The following NECAP2 variants were observed in gnomAD, a reference collection of about 807,000 sequenced individuals.
NECAP2 encodes the protein adaptin ear-binding coat-associated protein 2.
In NECAP2, 38 loss-of-function variants were observed where a neutral mutation model predicts 37.8. The observed-to-expected ratio is 1.01, with a 90% CI of 0.78 to 1.32. NECAP2 has a LOEUF of 1.32. Ranked by LOEUF, NECAP2 falls within the 40% of genes most tolerant of loss-of-function variation. The probability of loss-of-function intolerance (pLI) is 0.00; values close to 1 mark genes in which losing one functional copy is unlikely to be tolerated. For missense variants in NECAP2, 316 were observed against 334.5 expected (o/e 0.94, Z 0.43); for synonymous variants, 121 against 127.7 (o/e 0.95, Z 0.35).
At chr1:16,445,929 C>G (rs909880448) in intron 2 of NECAP2, among the ~76,000 whole-genome samples, 1 of 151,942 alleles carries the variant, frequency 6.6e-6, no homozygotes, top group African/African-American at 2.4e-5. Context: ...AAAAAAAGGC[C>G]GGGCACGGTG....
At chr1:16,458,309 T>G (rs903334898) in intron 7 of NECAP2, among the ~76,000 whole-genome samples, 1 of 152,006 alleles carries the variant, frequency 6.6e-6, no homozygotes, top group African/African-American at 2.4e-5. Context: ...GGAAAGGGGT[T>G]AAGACTCTTC....
intron 1 of NECAP2, among the ~76,000 whole-genome samples, chr1:16,443,058 C>T (rs1311500735): frequency 6.6e-6 from 1 of 152,168 alleles, no homozygotes; most frequent in African/African-American, 2.4e-5. Flanking sequence ...CTGTCTTTTT[C>T]TTTCAAGATA....
chr1:16,448,427 T>C (rs2086794409), intron 4 of NECAP2: 2 of 463,700 alleles, frequency 4.3e-6, no homozygotes, highest in African/African-American at 3.9e-5. Flanking sequence ...TCCTGTGGCC[T>C]TTCTGGGCCT....
At position 16,451,936 on chromosome 1, in the gene NECAP2, C is replaced by A. The variant is rs368703916; in HGVS notation, c.588C>A (p.Thr196=). 6.2e-7 allele frequency: 1 copy of A among 1,613,836 alleles called. No homozygotes were observed. Among genetic ancestry groups the A allele is most frequent in the Non-Finnish European group, 8.5e-7 (1 of 1,179,810 alleles). The change falls in exon 6 of 8, where the codon ACC becomes ACA. Residue 196 remains threonine (T), a synonymous_variant. Coordinates refer to ENST00000337132, the MANE Select transcript of NECAP2 (RefSeq NM_018090.5). ...TTCCCCCTCCCCCAGGGGGGAAAAC[C>A]TCCACCCTGATCCCTCCCCCTGGGG... ...SLLPPPPGGK[T]STLIPPPGEQ...
intron 6 of NECAP2, among the ~76,000 whole-genome samples, chr1:16,452,861 T>C (rs929898633): frequency 2.7e-5 from 4 of 149,718 alleles, no homozygotes; most frequent in Admixed American, 6.6e-5. Flanking sequence ...TGCACACAGC[T>C]CTCCCCAGCT....
intron 5 of NECAP2, 70 bp downstream of exon 5, chr1:16,449,271 C>A: frequency 9.7e-7 from 1 of 1,033,624 alleles, no homozygotes; most frequent in South Asian, 1.4e-5. Context: ...GCCCATTGCT[C>A]TTCTTACAGT....
Position 16,459,709 on chromosome 1 carries a change from T to G in NECAP2, c.*819T>G, listed in dbSNP as rs2086986959. 6.6e-6 allele frequency: 1 copy of G among 152,458 alleles called. No individual in the cohort carries two copies. Among genetic ancestry groups the G allele is most frequent in the African/African-American group, 2.4e-5 (1 of 41,478 alleles). 9.4% of individuals were successfully genotyped at this position (152,458 alleles called of 1,614,324 possible). On this transcript the variant is annotated 3_prime_UTR_variant, in exon 8 of 8. Transcript: ENST00000337132. Reference sequence around the variant, plus strand: ...TGGGGCAGGAAGGTGGATGCTGTTGTCATGGAGCTGTGGGAGTTGGCACTC... The same window carrying G: ...TGGGGCAGGAAGGTGGATGCTGTTGGCATGGAGCTGTGGGAGTTGGCACTC...
intron 1 of NECAP2, chr1:16,441,361 A>C (rs1206630789): frequency 6.4e-6 from 1 of 155,960 alleles, no homozygotes. Flanking sequence ...TTCACCCTTG[A>C]TCACAGCCTG....
At chr1:16,447,168 T>A (rs1049449173) in intron 2 of NECAP2, among the ~76,000 whole-genome samples, 1 of 151,756 alleles carries the variant, frequency 6.6e-6, no homozygotes, top group Non-Finnish European at 1.5e-5. Context: ...ACCCTGTTTC[T>A]AAAAAACAAA....
rs548544570 is a variant in NECAP2 at position 16,451,897 on chromosome 1, A to C, written c.549A>C (p.Gly183=). The C allele has an allele frequency of 6.8e-6, 11 of 1,614,072 alleles. No individual in the cohort carries two copies. The East Asian group carries it at 2.5e-4, about 36-fold the overall frequency. Residue 183 remains glycine, a synonymous_variant, in exon 6 of 8, where the codon GGA becomes GGC. Coordinates refer to ENST00000337132, the MANE Select transcript of NECAP2 (RefSeq NM_018090.5). ...CCCGAGTCCGGCCTGCCAGCACAGGAGGGCTGAGCCTGCTTCCCCCTCCCC... is the reference window on the plus strand; with the variant it reads ...CCCGAGTCCGGCCTGCCAGCACAGGCGGGCTGAGCCTGCTTCCCCCTCCCC... ...GNPRVRPAST[G]GLSLLPPPPG...
chr1:16,458,285 A>AT (rs1184538491), intron 7 of NECAP2, among the ~76,000 whole-genome samples: 2 of 151,856 alleles, frequency 1.3e-5, no homozygotes, highest in Non-Finnish European at 2.9e-5. Flanking sequence ...AGTGAGCTAT[A>AT]TTTTTTCTAC....
rs547124743 is a variant in NECAP2, at chr1:16,449,488, C to T, written c.489+287C>T. The stretch of plus-strand genomic sequence containing the variant: ...GGCTCCTAGAGGAAGGGTGTGCAGC[C>T]CATAGTTGTGGGAACCAAGGAAGGC... On this transcript the variant is annotated intron_variant, in intron 5 of 7. Transcript: ENST00000337132. 8 of 343,572 alleles carry T rather than the reference C, an allele frequency of 2.3e-5. No individual in the cohort carries two copies. The South Asian group carries it at 3.9e-4, about 17-fold the overall frequency. The allele number at this position is 343,572 out of a possible 1,614,324, so 21.3% of individuals were successfully genotyped here. A position where few individuals can be genotyped will look rare whatever the true frequency, so the allele number is the denominator to read the frequency against.
At chr1:16,450,141 T>TA (rs755096968) in intron 5 of NECAP2, 50 of 453,296 alleles carry the variant, frequency 1.1e-4, no homozygotes, top group Admixed American at 2.4e-4. Flanking sequence ...AGCTGGCCCT[T>TA]AAGAGAGAAA....
intron 4 of NECAP2, chr1:16,448,438 G>A (rs989303893): frequency 4.5e-6 from 2 of 442,116 alleles, no homozygotes; most frequent in Non-Finnish European, 8.3e-6. Context: ...TTCTGGGCCT[G>A]CTCCTCCATG....
intron 5 of NECAP2, chr1:16,450,081 CCTCTT>C: frequency 2.4e-6 from 1 of 409,536 alleles, no homozygotes; most frequent in Non-Finnish European, 4.9e-6. Context: ...TACTCTTTCT[CCTCTT>C]TTCTGCTTCG....
chr1:16,442,668 C>T (rs762235440), intron 1 of NECAP2, among the ~76,000 whole-genome samples: 5 of 152,202 alleles, frequency 3.3e-5, no homozygotes, highest in Admixed American at 6.5e-5. Context: ...TGGCTCACGC[C>T]TGTAATCCCA....
At chr1:16,443,948 T>C (rs2086725475) in intron 2 of NECAP2, among the ~76,000 whole-genome samples, 2 of 152,184 alleles carry the variant, frequency 1.3e-5, no homozygotes, top group South Asian at 4.1e-4. Flanking sequence ...CAAACACTAG[T>C]TCCTTTTAGG....
chr1:16,455,557 C>T (rs373619234), intron 6 of NECAP2: 19 of 464,920 alleles, frequency 4.1e-5, no homozygotes, highest in Admixed American at 1.0e-4. Context: ...ACCCATCCCG[C>T]GGGCACCCCT....
At chr1:16,449,047 G>C in intron 4 of NECAP2, 46 bp from the exon 5 acceptor site, 1 of 1,303,600 alleles carries the variant, frequency 7.7e-7, no homozygotes, top group Non-Finnish European at 1.1e-6. Flanking sequence ...TTGCAGGGCA[G>C]CTGGTCTCTT....
Sources: allele counts gnomAD v4.1 joint callset (sites outside exome capture counted in the v4.1 genomes callset), GRCh38; gene constraint gnomAD v4.1.1; transcripts MANE v1.5; gene names NCBI Gene and HGNC (gene_info 2026-07-23, HGNC 2026-07-21).